Variants in DEFB1 observed in about 807,000 individuals in gnomAD.
The protein encoded by DEFB1 is beta-defensin 1.
DEFB1 carries 4 observed loss-of-function variants against 2.6 expected under a neutral mutation model. That is an observed-to-expected ratio of 1.53 (90% CI 0.76 to 3.51). The LOEUF (loss-of-function observed/expected upper bound fraction) is 3.51, where lower values mean the gene tolerates loss of function less well. Among genes scored for constraint, DEFB1 ranks in the 30% most tolerant of loss-of-function variants. The pLI is 0.01. For missense variants in DEFB1, 162 were observed against 76.9 expected (o/e 2.11, Z -4.14); for synonymous variants, 56 against 28.5 (o/e 1.96, Z -3.07).
At chr8:6,874,532 AGC>A (rs1282480114) in intron 1 of DEFB1, among the ~76,000 whole-genome samples, 1 of 152,212 alleles carries the variant, frequency 6.6e-6, no homozygotes, top group Non-Finnish European at 1.5e-5. Flanking sequence ...CTAAGTGTAG[AGC>A]GTCTGTAATT....
At chr8:6,876,679 TG>T (rs1252630818) in intron 1 of DEFB1, among the ~76,000 whole-genome samples, 1 of 151,632 alleles carries the variant, frequency 6.6e-6, no homozygotes, top group Non-Finnish European at 1.5e-5. Context: ...GGTGCATGCC[TG>T]TAGTCACAGT....
At chr8:6,873,157 A>G (rs931881031) in intron 1 of DEFB1, among the ~76,000 whole-genome samples, 1 of 152,150 alleles carries the variant, frequency 6.6e-6, no homozygotes, top group Non-Finnish European at 1.5e-5. Flanking sequence ...AATTAATTCA[A>G]CCTTTCTGTG....
chr8:6,876,406 G>A (rs5743434), intron 1 of DEFB1, among the ~76,000 whole-genome samples: 3,093 of 152,218 alleles, frequency 0.02, 108 homozygotes, highest in African/African-American at 0.063. Flanking sequence ...GAACCCAGGA[G>A]GTGGAGGTTG....
rs780762708 is a variant in DEFB1, at chr8:6,870,812, T to C, written c.76A>G (p.Thr26Ala). The C allele has an allele frequency of 6.2e-7, 1 of 1,613,178 alleles. No homozygotes were observed. Among genetic ancestry groups the C allele is most frequent in the Non-Finnish European group, 8.5e-7 (1 of 1,179,664 alleles). The change falls in exon 2 of 2, where the codon ACA (threonine) becomes GCA (alanine). Residue 26 changes from threonine (T) to alanine (A), a missense_variant. Coordinates refer to ENST00000297439, the MANE Select transcript of DEFB1 (RefSeq NM_005218.4). ...TGATCAGATCTGTGGCCAAGGCCTGTGAGAAAGTTACCACCTGTAAGGAGG... is the reference window on the plus strand; with the variant it reads ...TGATCAGATCTGTGGCCAAGGCCTGCGAGAAAGTTACCACCTGTAAGGAGG... The part of the protein sequence containing the change: ...SEMASGGNFL[T>A]GLGHRSDHYN...
In DEFB1 at chr8:6,874,703, T is replaced by C. The variant is rs7004105; in HGVS notation, c.61+3094A>G. Among the ~76,000 whole-genome samples, 820 of 152,286 alleles carry C rather than the reference T, an allele frequency of 5.4e-3. 7 individuals carry two copies. The highest frequency in any genetic ancestry group is 0.019 in the African/African-American group (777 of 41,552). On this transcript the variant is annotated intron_variant, in intron 1 of 1. Transcript: ENST00000297439. The stretch of plus-strand genomic sequence containing the variant: ...GTCTTATCAACAGTTGGTTCTGGGC[T>C]GGGCATGGTGGCTCATGGCTGTAAT...
At chr8:6,873,492 C>G (rs1040341659) in intron 1 of DEFB1, among the ~76,000 whole-genome samples, 1 of 152,162 alleles carries the variant, frequency 6.6e-6, no homozygotes, top group African/African-American at 2.4e-5. Flanking sequence ...GCAGCAGCTT[C>G]TCAAATTTAA....
At chr8:6,872,937 G>C (rs1030049745) in intron 1 of DEFB1, among the ~76,000 whole-genome samples, 1 of 152,188 alleles carries the variant, frequency 6.6e-6, no homozygotes, top group Non-Finnish European at 1.5e-5. Context: ...GCGAAAGATG[G>C]AACCTCTCCA....
At chr8:6,877,691 C>T in intron 1 of DEFB1, 106 bp downstream of exon 1, 3 of 1,025,324 alleles carry the variant, frequency 2.9e-6, no homozygotes, top group Non-Finnish European at 4.5e-6. Flanking sequence ...TTTCCTGCTG[C>T]TTGTTCCTCG....
chr8:6,873,277 T>C (rs369006339), intron 1 of DEFB1, among the ~76,000 whole-genome samples: 1 of 152,250 alleles, frequency 6.6e-6, no homozygotes, highest in East Asian at 1.9e-4. Context: ...ACTTCAGTTC[T>C]CATTCCACTT....
chr8:6,871,654 G>T (rs535854177), intron 1 of DEFB1, among the ~76,000 whole-genome samples: 2 of 152,124 alleles, frequency 1.3e-5, no homozygotes, highest in Admixed American at 6.5e-5. Flanking sequence ...AGTTAAACAC[G>T]GTCATTGGGG....
intron 1 of DEFB1, 68 bp downstream of exon 1, chr8:6,877,729 G>A (rs944168295): frequency 2.3e-5 from 33 of 1,418,850 alleles, no homozygotes; most frequent in Admixed American, 5.2e-5. Flanking sequence ...GCAGCCATCC[G>A]AGACTCACAT....
chr8:6,876,552 T>C (rs779580360), intron 1 of DEFB1, among the ~76,000 whole-genome samples: 5 of 151,594 alleles, frequency 3.3e-5, no homozygotes, highest in African/African-American at 4.8e-5. Flanking sequence ...TCCCAGAACT[T>C]TGGGAGTCTG....
chr8:6,873,441 A>G (rs1166227956), intron 1 of DEFB1, among the ~76,000 whole-genome samples: 6 of 152,176 alleles, frequency 3.9e-5, no homozygotes, highest in Non-Finnish European at 7.3e-5. Flanking sequence ...TCCACATCTA[A>G]TCTACTGTGT....
intron 1 of DEFB1, among the ~76,000 whole-genome samples, chr8:6,873,094 C>A (rs994190730): frequency 1.3e-5 from 2 of 152,164 alleles, no homozygotes; most frequent in East Asian, 3.9e-4. Context: ...GCAGAGGAGG[C>A]CCAAATTTAA....
At chr8:6,874,866 C>T (rs1023810698) in intron 1 of DEFB1, among the ~76,000 whole-genome samples, 6 of 151,958 alleles carry the variant, frequency 3.9e-5, no homozygotes, top group Non-Finnish European at 7.4e-5. Context: ...CCTGTAATCC[C>T]AGCCACTCGG....
intron 1 of DEFB1, among the ~76,000 whole-genome samples, chr8:6,872,740 G>T (rs565200486): frequency 6.6e-6 from 1 of 152,280 alleles, no homozygotes; most frequent in South Asian, 2.1e-4. Context: ...CTTTTTCTCT[G>T]ACTGATTCCT....
intron 1 of DEFB1, among the ~76,000 whole-genome samples, chr8:6,875,364 A>G (rs571816465): frequency 2.0e-5 from 3 of 152,322 alleles, no homozygotes; most frequent in South Asian, 4.1e-4. Flanking sequence ...GATATTTGTG[A>G]TGTATATAAT....
At position 6,870,748 on chromosome 8, in the gene DEFB1, G is replaced by C. The variant is rs764548807; in HGVS notation, c.140C>G (p.Ser47Cys). Reference sequence around the variant, plus strand: ...AATTTTGGTAAAGATCGGGCAGGCAGAATAGAGACATTGCCCTCCACTGCT... The same window carrying C: ...AATTTTGGTAAAGATCGGGCAGGCACAATAGAGACATTGCCCTCCACTGCT... The part of the protein sequence containing the change: ...CVSSGGQCLY[S>C]ACPIFTKIQG... Residue 47 changes from serine (S) to cysteine (C), a missense_variant, in exon 2 of 2, where the codon TCT becomes TGT. Physicochemically the swap from Ser to Cys is moderately radical, Grantham distance 112. Coordinates refer to ENST00000297439, the MANE Select transcript of DEFB1 (RefSeq NM_005218.4). 1.2e-6 allele frequency: 2 copies of C among 1,614,244 alleles called. No homozygotes were observed. Among genetic ancestry groups the C allele is most frequent in the Non-Finnish European group, 1.7e-6 (2 of 1,180,046 alleles).
chr8:6,877,878 C>T lies in DEFB1; in HGVS notation c.-21G>A. The T allele has an allele frequency of 1.2e-6, 2 of 1,612,490 alleles. No individual in the cohort carries two copies. Among genetic ancestry groups the T allele is most frequent in the Non-Finnish European group, 1.7e-6 (2 of 1,178,602 alleles). ...CTCATGGCGACTGGCAGGCAACACC[C>T]AGGATTTCAGGAACTGGGGAGACGC... is the stretch of plus-strand genomic sequence containing the variant. On this transcript the variant is annotated 5_prime_UTR_variant, in exon 1 of 2. Coordinates refer to ENST00000297439, the MANE Select transcript of DEFB1 (RefSeq NM_005218.4).
Sources: allele counts gnomAD v4.1 joint callset (sites outside exome capture counted in the v4.1 genomes callset), GRCh38; gene constraint gnomAD v4.1.1; transcripts MANE v1.5; gene names NCBI Gene and HGNC (gene_info 2026-07-23, HGNC 2026-07-21).